The following SETDB1 variants were observed in gnomAD, a reference collection of about 807,000 sequenced individuals.
SETDB1 encodes the protein SET domain bifurcated histone lysine methyltransferase 1.
A neutral mutation model predicts 137.4 loss-of-function variants in SETDB1; 31 were observed. That is an observed-to-expected ratio of 0.23 (90% CI 0.17 to 0.30). The LOEUF is 0.30. Among genes scored for constraint, SETDB1 ranks in the 10% least tolerant of loss-of-function variants. SETDB1 has a pLI of 1.00. For missense variants in SETDB1, 1,113 were observed against 1,631.5 expected (o/e 0.68, Z 5.47); for synonymous variants, 548 against 579.9 (o/e 0.95, Z 0.79).
intron 21 of SETDB1, 53 bp downstream of exon 21, chr1:150,964,136 C>A: frequency 6.5e-7 from 1 of 1,546,372 alleles, no homozygotes; most frequent in Non-Finnish European, 8.9e-7. Flanking sequence ...CACTGAAGTT[C>A]TAAGGGCCCC....
chr1:150,960,804 G>C lies in SETDB1; in HGVS notation c.2745G>C (p.Glu915Asp). 1.2e-6 allele frequency: 2 copies of C among 1,608,354 alleles called. No individual in the cohort carries two copies. Among genetic ancestry groups the C allele is most frequent in the Non-Finnish European group, 8.5e-7 (1 of 1,177,322 alleles). The change falls in exon 16 of 22, where the codon GAG becomes GAC. Residue 915 changes from glutamate (E) to aspartate (D), a missense_variant. This residue lies in a region of SETDB1 where 373 missense variants were observed against 412.7 expected (regional missense o/e 0.90). Transcript: ENST00000692827. Reference sequence around the variant, plus strand: ...CAGATGATAACTTCTGTAAGGATGAGGACTTCAGCACCAGTTCAGTGTGGC... The same window carrying C: ...CAGATGATAACTTCTGTAAGGATGACGACTTCAGCACCAGTTCAGTGTGGC... The part of the protein sequence containing the change: ...DSSDDNFCKD[E>D]DFSTSSVWRS...
intron 5 of SETDB1, 81 bp downstream of exon 5, chr1:150,941,509 T>C (rs760901446): frequency 4.6e-5 from 38 of 823,306 alleles, no homozygotes; most frequent in Middle Eastern, 2.2e-4. Flanking sequence ...GTCTGCTAAT[T>C]GTTTGTGACA....
intron 12 of SETDB1, among the ~76,000 whole-genome samples, chr1:150,950,077 A>G (rs1287395170): frequency 6.6e-6 from 1 of 152,138 alleles, no homozygotes; most frequent in African/African-American, 2.4e-5. Context: ...CTACTAAAAA[A>G]TACAAAATTA....
intron 15 of SETDB1, among the ~76,000 whole-genome samples, 173 bp from the exon 16 acceptor site, chr1:150,960,390 T>C (rs1261917454): frequency 7.0e-6 from 1 of 143,650 alleles, no homozygotes; most frequent in Non-Finnish European, 1.5e-5. Flanking sequence ...GGCAGGAGAA[T>C]CACTTGAACC....
chr1:150,963,195 G>T, intron 19 of SETDB1, 56 bp downstream of exon 19: 1 of 1,521,524 alleles, frequency 6.6e-7, no homozygotes. Flanking sequence ...ACTTGGGATA[G>T]AGCATTTTTT....
intron 14 of SETDB1, among the ~76,000 whole-genome samples, chr1:150,956,089 C>CT (rs1670630146): frequency 1.9e-5 from 1 of 53,470 alleles, no homozygotes; most frequent in Admixed American, 2.3e-4. Context: ...GAGACTTCGT[C>CT]TCAAAAAAAA....
At chr1:150,945,150 G>C (rs760537725) in intron 9 of SETDB1, 42 bp downstream of exon 9, 8 of 1,612,058 alleles carry the variant, frequency 5.0e-6, no homozygotes, top group Admixed American at 3.4e-5. Flanking sequence ...AGGTTGGTGG[G>C]GGGGGAACTT....
intron 17 of SETDB1, among the ~76,000 whole-genome samples, 180 bp downstream of exon 17, chr1:150,962,338 T>C (rs1670848389): frequency 3.3e-5 from 5 of 152,050 alleles, no homozygotes; most frequent in Admixed American, 2.6e-4. Flanking sequence ...CTGGCTAGTT[T>C]TTGTATTTTT....
chr1:150,957,624 A>G lies in SETDB1; in HGVS notation c.2334-1554A>G, dbSNP rs150155778. Among the ~76,000 whole-genome samples, 19 of 152,352 alleles carry G rather than the reference A, an allele frequency of 1.2e-4. No homozygotes were observed. In the East Asian group the frequency reaches 1.9e-3, roughly 15 times the overall value. The stretch of plus-strand genomic sequence containing the variant: ...CTGAAACAATTAGTTTTCTTAGTAT[A>G]ACTGTGTTATCTTCCTTTAATGTTG... On this transcript the variant is annotated intron_variant, in intron 14 of 21. Coordinates refer to ENST00000692827, the MANE Select transcript of SETDB1 (RefSeq NM_001366418.1).
At chr1:150,932,715 GTTC>G (rs909368220) in intron 3 of SETDB1, among the ~76,000 whole-genome samples, 44 of 151,988 alleles carry the variant, frequency 2.9e-4, no homozygotes, top group Non-Finnish European at 5.6e-4. Flanking sequence ...GGTTTGATTT[GTTC>G]TTCTTTTTCT....
chr1:150,941,965 C>T (rs1670173704), intron 5 of SETDB1, among the ~76,000 whole-genome samples: 1 of 151,334 alleles, frequency 6.6e-6, no homozygotes, highest in Non-Finnish European at 1.5e-5. Context: ...CATGGTGAAA[C>T]TCTGTCTCTA....
At chr1:150,959,703 CAGAA>C (rs1176416899) in intron 15 of SETDB1, among the ~76,000 whole-genome samples, 1 of 152,230 alleles carries the variant, frequency 6.6e-6, no homozygotes, top group East Asian at 1.9e-4. Context: ...AATGGAAAGA[CAGAA>C]AGGGCAAGAT....
In SETDB1 at chr1:150,927,689, T is replaced by G; in HGVS notation, c.-11-15T>G. Reference sequence around the variant, plus strand: ...TATAAGGACTCCAATTTAATTTGTTTTCTGTTCCATGCAGAGGACAAAAGC... The same window carrying G: ...TATAAGGACTCCAATTTAATTTGTTGTCTGTTCCATGCAGAGGACAAAAGC... On this transcript the variant is annotated splice_polypyrimidine_tract_variant and intron_variant, in intron 1 of 21. Transcript: ENST00000692827. 1 of 1,606,990 alleles carries G rather than the reference T, an allele frequency of 6.2e-7. No individual in the cohort carries two copies. Among genetic ancestry groups the G allele is most frequent in the South Asian group, 1.1e-5 (1 of 90,252 alleles).
At chr1:150,935,886 G>A (rs1043853277) in intron 3 of SETDB1, among the ~76,000 whole-genome samples, 2 of 152,158 alleles carry the variant, frequency 1.3e-5, no homozygotes, top group Middle Eastern at 3.4e-3. Context: ...ACACTTTCAT[G>A]TTTCTTTGCA....
rs1670436707 is a variant in SETDB1, at chr1:150,949,533, A to G, written c.1583+8A>G. ...GATCAACCAGACATATAGGTGAGAA[A>G]ATCTGAGGCTCTCTGTAGGCAGGAT... On this transcript the variant is annotated splice_region_variant and intron_variant, in intron 12 of 21. Coordinates refer to ENST00000692827, the MANE Select transcript of SETDB1 (RefSeq NM_001366418.1). 6 of 1,613,438 alleles carry G rather than the reference A, an allele frequency of 3.7e-6. No individual in the cohort carries two copies. In the South Asian group the frequency reaches 6.6e-5, roughly 18 times the overall value.
chr1:150,959,636 A>G (rs1043745199), intron 15 of SETDB1, among the ~76,000 whole-genome samples: 6 of 152,146 alleles, frequency 3.9e-5, no homozygotes, highest in Non-Finnish European at 8.8e-5. Flanking sequence ...CTCCCATGTC[A>G]CTCCACTCAG....
At chr1:150,939,847 C>A in intron 3 of SETDB1, 93 bp from the exon 4 acceptor site, 1 of 819,784 alleles carries the variant, frequency 1.2e-6, no homozygotes, top group South Asian at 1.6e-5. Context: ...ATAATGCTCC[C>A]ATAATAATGC....
At chr1:150,928,098 C>T in intron 2 of SETDB1, 124 bp downstream of exon 2, 5 of 1,201,168 alleles carry the variant, frequency 4.2e-6, no homozygotes, top group Non-Finnish European at 2.3e-6. Flanking sequence ...CGCTCTGTCA[C>T]CCAAGCTAGA....
At position 150,941,287 on chromosome 1, in the gene SETDB1, C is replaced by T. The variant is rs1354124222; in HGVS notation, c.448-42C>T. On this transcript the variant is annotated intron_variant, in intron 4 of 21. Coordinates refer to ENST00000692827, the MANE Select transcript of SETDB1 (RefSeq NM_001366418.1). ...ATTCTGAAGTTATTTGTAACCCATG[C>T]TACTGTTTCAAAACTTGTTTTCCTC... 4.5e-6 allele frequency: 5 copies of T among 1,103,582 alleles called. No individual in the cohort carries two copies. In the East Asian group the frequency reaches 1.2e-4, roughly 26 times the overall value. 68.4% of individuals were successfully genotyped at this position (1,103,582 alleles called of 1,614,324 possible).
Sources: gnomAD v4.1 joint callset for allele counts (sites outside exome capture counted in the v4.1 genomes callset) on GRCh38, gnomAD v4.1.1 for gene constraint, gnomAD v4.1.1 regional missense constraint, MANE v1.5 for transcripts, NCBI Gene and HGNC (gene_info 2026-07-23, HGNC 2026-07-21) for gene names.